Variants in PCDHGA11 observed in about 807,000 individuals in gnomAD.
PCDHGA11 encodes protocadherin gamma subfamily A, 11.
In PCDHGA11, 39 loss-of-function variants were observed where a neutral mutation model predicts 60.4. That is an observed-to-expected ratio of 0.65 (90% CI 0.50 to 0.84). The LOEUF is 0.84. PCDHGA11 is among the 40% of genes least tolerant of loss of function. The probability of loss-of-function intolerance (pLI) is 0.00; values close to 1 mark genes in which losing one functional copy is unlikely to be tolerated. For missense variants in PCDHGA11, 1,165 were observed against 1,197.7 expected (o/e 0.97, Z 0.40); for synonymous variants, 533 against 510.3 (o/e 1.04, Z -0.60).
Position 141,422,446 on chromosome 5 carries a change from A to G in PCDHGA11, c.1219A>G (p.Thr407Ala). ...KTYGNYYKLI[T>A]SRVLDRELVQ... is the part of the protein sequence containing the mutation. ...TTATGGAAATTATTACAAATTGATA[A>G]CAAGCAGAGTGCTGGACAGGGAGTT... is the stretch of plus-strand genomic sequence containing the variant. Residue 407 changes from threonine to alanine, a missense_variant, in exon 1 of 4, where the codon ACA (threonine) becomes GCA (alanine). Physicochemically the swap from Thr to Ala is moderately conservative, Grantham distance 58. Transcript: ENST00000398587. 6.2e-7 allele frequency: 1 copy of G among 1,610,700 alleles called. No individual in the cohort carries two copies. The highest frequency in any genetic ancestry group is 1.1e-5 in the South Asian group (1 of 90,296).
intron 1 of PCDHGA11, among the ~76,000 whole-genome samples, chr5:141,468,754 T>C (rs1205525962): frequency 6.6e-6 from 1 of 152,036 alleles, no homozygotes; most frequent in Admixed American, 6.6e-5. Flanking sequence ...TAGTCCCAGC[T>C]ACTCGGGAGG....
At position 141,489,384 on chromosome 5, in the gene PCDHGA11, T is replaced by G; in HGVS notation, c.2434-5423T>G. The G allele has an allele frequency of 6.2e-7, 1 of 1,613,986 alleles. No individual in the cohort carries two copies. The highest frequency in any genetic ancestry group is 1.3e-5 in the African/African-American group (1 of 75,042). On this transcript the variant is annotated intron_variant, in intron 1 of 3. Transcript: ENST00000398587. This position sits in a 1 kb window ranked among gnomAD's most constrained non-coding sequence, Gnocchi z 4.5. ...AGCCGGGGACGCTGGTGGGGAATGT[T>G]GCTCAGGATCTGGGCTTAAAGATGA...
chr5:141,448,190 C>T (rs1426828578), intron 1 of PCDHGA11, among the ~76,000 whole-genome samples: 1 of 152,118 alleles, frequency 6.6e-6, no homozygotes, highest in Non-Finnish European at 1.5e-5. Flanking sequence ...GTTATGTACA[C>T]TTACAAACAT....
At chr5:141,502,356 G>C (rs1443285213) in intron 2 of PCDHGA11, among the ~76,000 whole-genome samples, 4 of 151,838 alleles carry the variant, frequency 2.6e-5, no homozygotes. Flanking sequence ...TAATGACATG[G>C]ATATTTTTAA....
intron 1 of PCDHGA11, among the ~76,000 whole-genome samples, chr5:141,473,107 C>A (rs2099314182): frequency 6.6e-6 from 1 of 152,134 alleles, no homozygotes; most frequent in Admixed American, 6.5e-5. Flanking sequence ...TATTACCACA[C>A]TTTACTTGGC....
At chr5:141,472,408 G>T (rs780468341) in intron 1 of PCDHGA11, among the ~76,000 whole-genome samples, 1 of 152,064 alleles carries the variant, frequency 6.6e-6, no homozygotes, top group Non-Finnish European at 1.5e-5. Flanking sequence ...AGGCGTGGTG[G>T]CACGCACCTG....
At chr5:141,473,988 G>C (rs1006988447) in intron 1 of PCDHGA11, among the ~76,000 whole-genome samples, 8 of 152,118 alleles carry the variant, frequency 5.3e-5, no homozygotes, top group Non-Finnish European at 4.4e-5. Context: ...AGGATCCCTT[G>C]AGCCCAAGGA....
Position 141,423,131 on chromosome 5 carries a change from A to G in PCDHGA11, c.1904A>G (p.Asp635Gly), listed in dbSNP as rs370773437. ...GTGCGTACAGCGCGGGCACTGCTGG[A>G]CAGAGACGCGCTCAAGCAGAGCCTC... Reference protein sequence around the residue: ...GEVRTARALLDRDALKQSLVV... With the variant: ...GEVRTARALLGRDALKQSLVV... The change falls in exon 1 of 4, where the codon GAC (aspartate) becomes GGC (glycine). Residue 635 changes from aspartate to glycine, a missense_variant. Transcript: ENST00000398587. 3 of 1,613,538 alleles carry G rather than the reference A, an allele frequency of 1.9e-6. No homozygotes were observed. The highest frequency in any genetic ancestry group is 1.7e-5 in the Admixed American group (1 of 59,998).
intron 1 of PCDHGA11, chr5:141,475,986 G>T: frequency 2.8e-6 from 3 of 1,089,866 alleles, no homozygotes; most frequent in Non-Finnish European, 3.9e-6. Context: ...CAGCCGGCGA[G>T]CAAATCAACG....
chr5:141,423,236 C>G lies in PCDHGA11; in HGVS notation c.2009C>G (p.Pro670Arg). The change falls in exon 1 of 4, where the codon CCC becomes CGC. Residue 670 changes from proline (P) to arginine (R), a missense_variant. Transcript: ENST00000398587. ...TLTVAVADSI[P>R]EVLADLGSLE... ...ACCGTGGCTGTGGCCGACAGCATCCCCGAAGTCCTGGCGGACCTCGGCAGC... is the reference window on the plus strand; with the variant it reads ...ACCGTGGCTGTGGCCGACAGCATCCGCGAAGTCCTGGCGGACCTCGGCAGC... 6.2e-7 allele frequency: 1 copy of G among 1,613,920 alleles called. No individual in the cohort carries two copies. The highest frequency in any genetic ancestry group is 8.5e-7 in the Non-Finnish European group (1 of 1,180,028).
rs1554123924 is a variant in PCDHGA11, at chr5:141,431,826, T to C, written c.2433+8166T>C. 1 of 1,614,220 alleles carries C rather than the reference T, an allele frequency of 6.2e-7. No homozygotes were observed. The highest frequency in any genetic ancestry group is 8.5e-7 in the Non-Finnish European group (1 of 1,180,050). The stretch of plus-strand genomic sequence containing the variant: ...GTCCTCACCTCTCTCGCCAGCTCGG[T>C]TCCCGAAAACTCTCCCAGAGGGACA... On this transcript the variant is annotated intron_variant, in intron 1 of 3. Coordinates refer to ENST00000398587, the MANE Select transcript of PCDHGA11 (RefSeq NM_018914.3). This position sits in a 1 kb window ranked among gnomAD's most constrained non-coding sequence, Gnocchi z 4.8.
Position 141,486,226 on chromosome 5 carries a change from A to G in PCDHGA11, c.2434-8581A>G, listed in dbSNP as rs889500362. 5.0e-6 allele frequency: 8 copies of G among 1,614,012 alleles called. No individual in the cohort carries two copies. The highest frequency in any genetic ancestry group is 6.8e-6 in the Non-Finnish European group (8 of 1,180,018). On this transcript the variant is annotated intron_variant, in intron 1 of 3. Transcript: ENST00000398587. This position sits in a 1 kb window ranked among gnomAD's most constrained non-coding sequence, Gnocchi z 5.0. ...TAAATGACAATGCCCCTTACATCACAGTGACCTCAGAGCTTGGAACCCTCC... is the reference window on the plus strand; with the variant it reads ...TAAATGACAATGCCCCTTACATCACGGTGACCTCAGAGCTTGGAACCCTCC...
chr5:141,474,557 G>A (rs1261720500), intron 1 of PCDHGA11, among the ~76,000 whole-genome samples: 1 of 152,184 alleles, frequency 6.6e-6, no homozygotes, highest in African/African-American at 2.4e-5. Context: ...AAAACTGGGG[G>A]TTTTCAGAGA....
chr5:141,431,333 C>T lies in PCDHGA11; in HGVS notation c.2433+7673C>T. 1 of 1,614,058 alleles carries T rather than the reference C, an allele frequency of 6.2e-7. No individual in the cohort carries two copies. Among genetic ancestry groups the T allele is most frequent in the Non-Finnish European group, 8.5e-7 (1 of 1,180,030 alleles). On this transcript the variant is annotated intron_variant, in intron 1 of 3. Coordinates refer to ENST00000398587, the MANE Select transcript of PCDHGA11 (RefSeq NM_018914.3). The surrounding 1 kb of genome is among the most constrained non-coding windows in gnomAD (Gnocchi z 4.8). ...AAATGGAGCCGACGGTAGTAAGTAC[C>T]CCGAATTGGTGCTGAAACGCGCCCT...
At chr5:141,453,490 G>T (rs921556476) in intron 1 of PCDHGA11, among the ~76,000 whole-genome samples, 3 of 151,922 alleles carry the variant, frequency 2.0e-5, no homozygotes, top group African/African-American at 7.3e-5. Context: ...TTAAAAAAAG[G>T]TGTACTCAGA....
At position 141,457,041 on chromosome 5, in the gene PCDHGA11, A is replaced by T. The variant is rs151212070; in HGVS notation, c.2433+33381A>T. On this transcript the variant is annotated intron_variant, in intron 1 of 3. Transcript: ENST00000398587. ...AAGTCCTAGTAGACTCAGTGATAGT[A>T]AAACTTTCATGCTTCCTTTTTGCCA... 2.3e-4 allele frequency among the ~76,000 whole-genome samples: 35 copies of T among 152,360 alleles called. No individual in the cohort carries two copies. In the East Asian group the frequency reaches 6.4e-3, roughly 28 times the overall value.
chr5:141,478,307 G>T, intron 1 of PCDHGA11: 3 of 1,614,056 alleles, frequency 1.9e-6, no homozygotes, highest in Non-Finnish European at 2.5e-6. Context: ...CCGAGCCCCG[G>T]TGAGCTCACT....
chr5:141,425,794 G>A (rs915736198), intron 1 of PCDHGA11, among the ~76,000 whole-genome samples: 23 of 152,074 alleles, frequency 1.5e-4, no homozygotes, highest in Non-Finnish European at 2.2e-4. Context: ...CTTCCAATAT[G>A]TGCATTGCTT....
At chr5:141,446,894 A>C (rs1413761456) in intron 1 of PCDHGA11, among the ~76,000 whole-genome samples, 3 of 152,118 alleles carry the variant, frequency 2.0e-5, no homozygotes, top group Non-Finnish European at 2.9e-5. Flanking sequence ...TTCATGGCTG[A>C]GCTACTTTTG....
Sources: gnomAD v4.1 joint callset for allele counts (sites outside exome capture counted in the v4.1 genomes callset) on GRCh38, gnomAD v4.1.1 for gene constraint, Gnocchi (gnomAD v3.1) non-coding constraint, MANE v1.5 for transcripts, NCBI Gene and HGNC (gene_info 2026-07-23, HGNC 2026-07-21) for gene names.